Variants in SERPINB10 observed in about 807,000 individuals in gnomAD.
SERPINB10 encodes serpin B10.
In SERPINB10, 35 loss-of-function variants were observed where a neutral mutation model predicts 39.1. The observed-to-expected ratio is 0.90, with a 90% CI of 0.68 to 1.19. The LOEUF is 1.19. Among genes scored for constraint, SERPINB10 ranks in the 50% most tolerant of loss-of-function variants. SERPINB10 has a pLI of 0.00. For synonymous variants in SERPINB10, 190 were observed against 158.1 expected, an observed-to-expected ratio of 1.20 and a Z score of -1.52; for missense variants, 546 against 460.5, an observed-to-expected ratio of 1.19 and a Z score of -1.70.
At chr18:63,912,120 G>A (rs1400247116) in intron 1 of SERPINB10, among the ~76,000 whole-genome samples, 1 of 151,904 alleles carries the variant, frequency 6.6e-6, no homozygotes, top group Non-Finnish European at 1.5e-5. Context: ...ACTGATTTTT[G>A]TACGTCGATT....
intron 2 of SERPINB10, 147 bp from the exon 3 acceptor site, chr18:63,917,309 C>T (rs956497990): frequency 1.7e-5 from 7 of 422,584 alleles, no homozygotes; most frequent in East Asian, 3.7e-5. Flanking sequence ...TTTTATTACA[C>T]ACATTAAGTC....
intron 4 of SERPINB10, 119 bp from the exon 5 acceptor site, chr18:63,919,669 G>A: frequency 1.6e-6 from 1 of 615,544 alleles, no homozygotes; most frequent in Non-Finnish European, 2.8e-6. Flanking sequence ...AGAGGATGGA[G>A]TGATGGTGTG....
intron 7 of SERPINB10, 109 bp from the exon 8 acceptor site, chr18:63,934,729 G>T (rs761645314): frequency 2.7e-6 from 3 of 1,101,266 alleles, no homozygotes; most frequent in Non-Finnish European, 3.8e-6. Context: ...CCTGAGTAAC[G>T]GGAGTGATCA....
Position 63,907,990 on chromosome 18 carries a change from C to T in SERPINB10, c.-60C>T, listed in dbSNP as rs993464117. ...AGTTTCTCAACTCTTCAGCCACAAT[C>T]TCTTACTACAGGAGCAAATTGCCAA... On this transcript the variant is annotated 5_prime_UTR_variant, in exon 1 of 8. Coordinates refer to ENST00000238508, the MANE Select transcript of SERPINB10 (RefSeq NM_005024.3). 1 of 338,370 alleles carries T rather than the reference C, an allele frequency of 3.0e-6. No individual in the cohort carries two copies. The highest frequency in any genetic ancestry group is 6.1e-6 in the Non-Finnish European group (1 of 164,680). The allele number at this position is 338,370 out of a possible 1,614,324, so 21.0% of individuals were successfully genotyped here. A position where few individuals can be genotyped will look rare whatever the true frequency, so the allele number is the denominator to read the frequency against.
intron 1 of SERPINB10, among the ~76,000 whole-genome samples, chr18:63,908,918 A>G (rs1187808271): frequency 6.6e-6 from 1 of 152,022 alleles, no homozygotes; most frequent in African/African-American, 2.4e-5. Flanking sequence ...AAACACAATG[A>G]GATACAATGG....
At chr18:63,927,278 A>G (rs1021251054) in intron 5 of SERPINB10, among the ~76,000 whole-genome samples, 28 of 152,210 alleles carry the variant, frequency 1.8e-4, no homozygotes, top group African/African-American at 6.7e-4. Flanking sequence ...TTTTAAAATT[A>G]GAAATGAAGG....
At chr18:63,911,403 A>T (rs1258568357) in intron 1 of SERPINB10, among the ~76,000 whole-genome samples, 1 of 151,072 alleles carries the variant, frequency 6.6e-6, no homozygotes, top group Non-Finnish European at 1.5e-5. Context: ...TAGGATTCTG[A>T]TAGTCTGAGA....
At chr18:63,917,431 A>C in intron 2 of SERPINB10, 25 bp from the exon 3 acceptor site, 1 of 1,418,318 alleles carries the variant, frequency 7.1e-7, no homozygotes, top group Non-Finnish European at 9.7e-7. Context: ...CAGTCTATTC[A>C]TTTGTATTTT....
intron 5 of SERPINB10, among the ~76,000 whole-genome samples, chr18:63,927,758 G>A (rs1258823028): frequency 6.6e-6 from 1 of 152,036 alleles, no homozygotes; most frequent in Non-Finnish European, 1.5e-5. Context: ...TATGTTTCTT[G>A]CATTCCTAAT....
intron 5 of SERPINB10, among the ~76,000 whole-genome samples, chr18:63,920,571 T>C (rs1405950906): frequency 6.6e-6 from 1 of 151,890 alleles, no homozygotes; most frequent in African/African-American, 2.4e-5. Flanking sequence ...CAGCAGGAAG[T>C]GGGGAAAAGA....
At chr18:63,931,244 T>C (rs548695172) in intron 6 of SERPINB10, among the ~76,000 whole-genome samples, 26 of 152,324 alleles carry the variant, frequency 1.7e-4, no homozygotes, top group African/African-American at 6.0e-4. Flanking sequence ...TCATGCTGTC[T>C]CTTTCTCTTT....
intron 7 of SERPINB10, 107 bp downstream of exon 7, chr18:63,933,310 C>T (rs2050237949): frequency 1.6e-6 from 2 of 1,241,212 alleles, no homozygotes; most frequent in African/African-American, 1.5e-5. Flanking sequence ...AATGTTCTCC[C>T]TATTATTTAA....
At position 63,915,564 on chromosome 18, in the gene SERPINB10, G is replaced by A. The variant is rs777956377; in HGVS notation, c.54G>A (p.Lys18=). ...INQFALELSK[K]LAESAQGKNI... is the part of the protein sequence containing the mutation. ...AGTTTGCCCTGGAGTTGAGCAAAAAGCTAGCTGAATCTGCTCAGGGTAAAA... is the reference window on the plus strand; with the variant it reads ...AGTTTGCCCTGGAGTTGAGCAAAAAACTAGCTGAATCTGCTCAGGGTAAAA... The change falls in exon 2 of 8, where the codon AAG becomes AAA. Residue 18 remains lysine (K), a synonymous_variant. Coordinates refer to ENST00000238508, the MANE Select transcript of SERPINB10 (RefSeq NM_005024.3). 2.4e-5 allele frequency: 39 copies of A among 1,612,598 alleles called. No individual in the cohort carries two copies. Among genetic ancestry groups the A allele is most frequent in the South Asian group, 7.7e-5 (7 of 91,028 alleles).
At chr18:63,918,810 C>T (rs192174392) in intron 4 of SERPINB10, among the ~76,000 whole-genome samples, 1 of 151,872 alleles carries the variant, frequency 6.6e-6, no homozygotes, top group African/African-American at 2.4e-5. Flanking sequence ...AGACAGTTTC[C>T]TTTCTTGTAG....
chr18:63,927,053 G>T (rs1313770532), intron 5 of SERPINB10, among the ~76,000 whole-genome samples: 1 of 151,594 alleles, frequency 6.6e-6, no homozygotes, highest in Non-Finnish European at 1.5e-5. Flanking sequence ...CTTATTATTT[G>T]CAAATAATAA....
intron 5 of SERPINB10, among the ~76,000 whole-genome samples, chr18:63,929,007 C>A (rs1305687289): frequency 6.7e-6 from 1 of 149,240 alleles, no homozygotes; most frequent in Non-Finnish European, 1.5e-5. Context: ...CCCAGCTAAA[C>A]CTGCTTTTGT....
chr18:63,922,402 C>T (rs1486309197), intron 5 of SERPINB10, among the ~76,000 whole-genome samples: 1 of 151,858 alleles, frequency 6.6e-6, no homozygotes, highest in Non-Finnish European at 1.5e-5. Context: ...ATTGTACAGG[C>T]AAAAGTATGT....
intron 5 of SERPINB10, among the ~76,000 whole-genome samples, chr18:63,929,499 A>G (rs1054450993): frequency 2.0e-5 from 3 of 152,020 alleles, no homozygotes; most frequent in Non-Finnish European, 2.9e-5. Flanking sequence ...GAGAAAAAGA[A>G]GGACATTTTA....
At chr18:63,928,360 G>A (rs916474593) in intron 5 of SERPINB10, among the ~76,000 whole-genome samples, 6 of 152,022 alleles carry the variant, frequency 3.9e-5, no homozygotes, top group African/African-American at 9.7e-5. Context: ...TATATTTGAC[G>A]TATTTTTATA....
Sources: allele counts gnomAD v4.1 joint callset (sites outside exome capture counted in the v4.1 genomes callset), GRCh38; gene constraint gnomAD v4.1.1; transcripts MANE v1.5; gene names NCBI Gene and HGNC (gene_info 2026-07-23, HGNC 2026-07-21).